Variants in ANAPC1 observed in about 807,000 individuals in gnomAD.
ANAPC1 encodes anaphase promoting complex subunit 1, also known as anaphase-promoting complex subunit 1.
In ANAPC1, 36 loss-of-function variants were observed where a neutral mutation model predicts 208.0. The ratio of observed to expected loss-of-function variants is 0.17; its 90% CI spans 0.13 to 0.23. The LOEUF is 0.23. ANAPC1 is among the 10% of genes least tolerant of loss of function. The pLI is 1.00. For missense variants in ANAPC1, 942 were observed against 2,011.6 expected (o/e 0.47, Z 10.17); for synonymous variants, 378 against 695.2 (o/e 0.54, Z 7.18).
At chr2:111,812,594 A>T (rs1208540206) in intron 28 of ANAPC1, among the ~76,000 whole-genome samples, 1 of 147,178 alleles carries the variant, frequency 6.8e-6, no homozygotes, top group Non-Finnish European at 1.5e-5. Flanking sequence ...GAGAGGCTTT[A>T]ATTAAACACC....
chr2:111,831,826 C>CA (rs34008628), intron 20 of ANAPC1, among the ~76,000 whole-genome samples: 10,580 of 28,818 alleles, frequency 0.37, 1,243 homozygotes, highest in Middle Eastern at 0.5. Flanking sequence ...GACTCTGTCT[C>CA]AAAAAAAAAA....
intron 13 of ANAPC1, 132 bp downstream of exon 13, chr2:111,856,482 C>T: frequency 1.1e-6 from 1 of 917,306 alleles, no homozygotes; most frequent in South Asian, 1.8e-5. Context: ...GAATTATTAA[C>T]AAAATTCTTC....
intron 13 of ANAPC1, among the ~76,000 whole-genome samples, chr2:111,854,107 TA>T (rs1558723547): frequency 1.3e-5 from 2 of 152,274 alleles, no homozygotes; most frequent in East Asian, 1.9e-4. Flanking sequence ...AGTAAGACTT[TA>T]AAGTCAAAAT....
chr2:111,769,967 C>T (rs1676642172), intron 47 of ANAPC1, among the ~76,000 whole-genome samples: 1 of 151,894 alleles, frequency 6.6e-6, no homozygotes, highest in Non-Finnish European at 1.5e-5. Context: ...CAGGCGTGAG[C>T]CACTGCGCCC....
At chr2:111,839,397 T>C (rs1312290511) in intron 17 of ANAPC1, among the ~76,000 whole-genome samples, 2 of 152,234 alleles carry the variant, frequency 1.3e-5, no homozygotes, top group East Asian at 1.9e-4. Context: ...TCTTCTTCAA[T>C]TTCCCCTGGC....
intron 1 of ANAPC1, among the ~76,000 whole-genome samples, 163 bp downstream of exon 1, chr2:111,883,779 G>T (rs1683458447): frequency 6.6e-6 from 1 of 152,218 alleles, no homozygotes; most frequent in Non-Finnish European, 1.5e-5. Context: ...AGGAGCGCCC[G>T]CAGGCCCCCT....
intron 3 of ANAPC1, 95 bp downstream of exon 3, chr2:111,878,715 A>G (rs1020737705): frequency 6.5e-7 from 1 of 1,529,576 alleles, no homozygotes; most frequent in Non-Finnish European, 8.8e-7. Context: ...TGAGATCATT[A>G]GGCTGGTTTT....
chr2:111,882,965 A>G (rs1025770536), intron 1 of ANAPC1, among the ~76,000 whole-genome samples: 5 of 151,962 alleles, frequency 3.3e-5, no homozygotes, highest in Non-Finnish European at 7.4e-5. Flanking sequence ...CAGGAGTTCA[A>G]GATCAGCCTG....
At chr2:111,825,899 C>T (rs12614297) in intron 21 of ANAPC1, 44 bp from the exon 22 acceptor site, 345,374 of 1,578,918 alleles carry the variant, frequency 0.22, 39,401 homozygotes, top group Middle Eastern at 0.29. Flanking sequence ...TTTTCAGAGA[C>T]AGCATCTCAC....
At chr2:111,879,176 G>A (rs1210367389) in intron 2 of ANAPC1, among the ~76,000 whole-genome samples, 1 of 152,118 alleles carries the variant, frequency 6.6e-6, no homozygotes, top group Non-Finnish European at 1.5e-5. Context: ...TCTCTATATT[G>A]AATGTTTTAT....
In ANAPC1 at chr2:111,781,616, A is replaced by C. The variant is rs1573310412; in HGVS notation, c.5202+753T>G. Among the ~76,000 whole-genome samples, 3 of 152,286 alleles carry C rather than the reference A, an allele frequency of 2.0e-5. No individual in the cohort carries two copies. The East Asian group carries it at 5.8e-4, about 29-fold the overall frequency. On this transcript the variant is annotated intron_variant, in intron 43 of 47. Coordinates refer to ENST00000341068, the MANE Select transcript of ANAPC1 (RefSeq NM_022662.4). The stretch of plus-strand genomic sequence containing the variant: ...TCCGCCTGCCCCACTTTTGCCGTCT[A>C]ATTATTCCTTAGGGTCCTAACTACT...
intron 3 of ANAPC1, among the ~76,000 whole-genome samples, chr2:111,875,338 G>A (rs1309777251): frequency 6.6e-6 from 1 of 152,114 alleles, no homozygotes. Flanking sequence ...AACCATGCAT[G>A]AGAGCTGTGC....
In ANAPC1 at chr2:111,858,277, C is replaced by A. The variant is rs761717572; in HGVS notation, c.1358+29G>T. The A allele has an allele frequency of 4.5e-6, 7 of 1,555,348 alleles. No individual in the cohort carries two copies. The East Asian group carries it at 6.8e-5, about 15-fold the overall frequency. ...AAAAAGCAGTGCTAAGTTATTTATA[C>A]AGAAACAATGGGAAAGACATACACC... is the stretch of plus-strand genomic sequence containing the variant. On this transcript the variant is annotated intron_variant, in intron 11 of 47. Transcript: ENST00000341068.
chr2:111,821,637 A>G (rs1679539301), intron 25 of ANAPC1, 184 bp from the exon 26 acceptor site: 1 of 568,822 alleles, frequency 1.8e-6, no homozygotes, highest in Non-Finnish European at 3.2e-6. Context: ...CTTTCTAAAA[A>G]GTACTATATT....
At position 111,880,681 on chromosome 2, in the gene ANAPC1, A is replaced by G. The variant is rs376155237; in HGVS notation, c.145T>C (p.Trp49Arg). Reference sequence around the variant, plus strand: ...AAGCCAGCAGCACCATCAGAAGACCATAATTCAGAAGCTGGCTGCAGCTGG... The same window carrying G: ...AAGCCAGCAGCACCATCAGAAGACCGTAATTCAGAAGCTGGCTGCAGCTGG... ...LRQLQPASEL[W>R]SSDGAAGLVG... Residue 49 changes from tryptophan to arginine, a missense_variant, in exon 2 of 48, where the codon TGG becomes CGG. Physicochemically the swap from Trp to Arg is moderately radical, Grantham distance 101. Coordinates refer to ENST00000341068, the MANE Select transcript of ANAPC1 (RefSeq NM_022662.4). 9.4e-5 allele frequency: 152 copies of G among 1,613,574 alleles called. 1 individual carries two copies. Among genetic ancestry groups the G allele is most frequent in the Non-Finnish European group, 1.2e-4 (145 of 1,179,882 alleles).
Position 111,862,524 on chromosome 2 carries a change from T to C in ANAPC1, c.1127A>G (p.Gln376Arg), listed in dbSNP as rs1265457237. The change falls in exon 10 of 48, where the codon CAG becomes CGG. Residue 376 changes from glutamine to arginine, a missense_variant. Coordinates refer to ENST00000341068, the MANE Select transcript of ANAPC1 (RefSeq NM_022662.4). ...VQRFNISSHN[Q>R]SPKRHSISHS... ...AGAAATACTATGTCTCTTTGGAGAC[T>C]GATTATGGCTTGAAATGTTGAACCT... 1.2e-6 allele frequency: 2 copies of C among 1,611,640 alleles called. No individual in the cohort carries two copies. Among genetic ancestry groups the C allele is most frequent in the East Asian group, 4.5e-5 (2 of 44,862 alleles).
chr2:111,802,108 T>TA (rs1678472327), intron 33 of ANAPC1, among the ~76,000 whole-genome samples: 1 of 151,132 alleles, frequency 6.6e-6, no homozygotes, highest in South Asian at 2.1e-4. Flanking sequence ...AAGTATTAAA[T>TA]ATCAACGTGG....
intron 13 of ANAPC1, among the ~76,000 whole-genome samples, chr2:111,852,979 T>C (rs1379729747): frequency 6.8e-6 from 1 of 147,316 alleles, no homozygotes; most frequent in Non-Finnish European, 1.5e-5. Context: ...CAGAGAGAGA[T>C]ACTGTATCAA....
chr2:111,881,715 T>C (rs1683307437), intron 1 of ANAPC1, among the ~76,000 whole-genome samples: 1 of 152,204 alleles, frequency 6.6e-6, no homozygotes, highest in Non-Finnish European at 1.5e-5. Flanking sequence ...ATATATACCA[T>C]GTTCCTATAG....
Sources: allele counts gnomAD v4.1 joint callset (sites outside exome capture counted in the v4.1 genomes callset), GRCh38; gene constraint gnomAD v4.1.1; transcripts MANE v1.5; gene names NCBI Gene and HGNC (gene_info 2026-07-23, HGNC 2026-07-21).